DYNC1H1: variants seen among roughly 807,000 people sequenced by gnomAD.
The protein encoded by DYNC1H1 is dynein cytoplasmic 1 heavy chain 1, also known as cytoplasmic dynein 1 heavy chain 1.
A neutral mutation model predicts 527.1 loss-of-function variants in DYNC1H1; 51 were observed. The ratio of observed to expected loss-of-function variants is 0.10; its 90% confidence interval spans 0.08 to 0.12. The LOEUF (loss-of-function observed/expected upper bound fraction) is 0.12. Among genes scored for constraint, DYNC1H1 ranks in the 10% least tolerant of loss-of-function variants. The pLI is 1.00. For missense variants in DYNC1H1, 2,771 were observed against 5,971.8 expected, an observed-to-expected ratio of 0.46 and a Z score of 17.66; for synonymous variants, 2,189 against 2,278.8, an observed-to-expected ratio of 0.96 and a Z score of 1.12.
At chr14:101,996,948 A>G (rs2048069565) in intron 15 of DYNC1H1, 87 bp from the exon 16 acceptor site, 1 of 1,531,466 alleles carries the variant, frequency 6.5e-7, no homozygotes, top group African/African-American at 1.4e-5. Flanking sequence ...ATAACTATAA[A>G]GTGCCTTCTC....
chr14:102,026,862 C>A, intron 44 of DYNC1H1, 155 bp downstream of exon 44: 1 of 1,132,696 alleles, frequency 8.8e-7, no homozygotes, highest in Non-Finnish European at 1.3e-6. Context: ...CTAAGTCCAG[C>A]TTAACCATCC....
chr14:102,000,880 AT>A (rs2048123372), intron 18 of DYNC1H1, 73 bp from the exon 19 acceptor site: 2 of 1,458,786 alleles, frequency 1.4e-6, no homozygotes, highest in Non-Finnish European at 9.6e-7. Flanking sequence ...GCCTGAAACC[AT>A]TTTTTAAAGA....
intron 7 of DYNC1H1, among the ~76,000 whole-genome samples, chr14:101,984,450 A>ATTTTTTTTTTTTTTT (rs34383305): frequency 1.4e-5 from 1 of 69,968 alleles, no homozygotes; most frequent in Non-Finnish European, 2.6e-5. Flanking sequence ...TATATATTAT[A>ATTTTTTTTTTTTTTT]TTTTTTTTTT....
intron 18 of DYNC1H1, 40 bp downstream of exon 18, chr14:102,000,439 C>T (rs1329363208): frequency 1.9e-6 from 3 of 1,589,612 alleles, no homozygotes. Context: ...TCTATTTTAA[C>T]AGTTACAGAC....
chr14:101,979,227 A>C lies in DYNC1H1; in HGVS notation c.345-92A>C, dbSNP rs1194196417. ...CAGTGCATTTCACTATTAGAAAAGC[A>C]ACACTTCAGTATATTCTTGTATGAT... On this transcript the variant is annotated intron_variant, in intron 2 of 77. Coordinates refer to ENST00000360184, the MANE Select transcript of DYNC1H1 (RefSeq NM_001376.5). The surrounding 1 kb of genome is among the most constrained non-coding windows in gnomAD (Gnocchi z 4.6). 4 of 1,291,886 alleles carry C rather than the reference A, an allele frequency of 3.1e-6. No homozygotes were observed. The Admixed American group carries it at 7.7e-5, about 25-fold the overall frequency. The allele number at this position is 1,291,886 out of a possible 1,614,324, so 80.0% of individuals were successfully genotyped here.
At chr14:102,040,522 A>G in intron 63 of DYNC1H1, 76 bp from the exon 64 acceptor site, 1 of 1,612,334 alleles carries the variant, frequency 6.2e-7, no homozygotes, top group East Asian at 2.2e-5. Context: ...CTCTCGCGTC[A>G]GACTCTCGCT....
intron 16 of DYNC1H1, among the ~76,000 whole-genome samples, chr14:101,999,529 G>GTA (rs1319782790): frequency 1.3e-5 from 2 of 152,236 alleles, no homozygotes; most frequent in East Asian, 3.8e-4. Flanking sequence ...TGAAAAGGAA[G>GTA]TATGCAAATG....
At position 102,022,669 on chromosome 14, in the gene DYNC1H1, C is replaced by A. The variant is rs138237231; in HGVS notation, c.8508-82C>A. 47 of 1,598,772 alleles carry A rather than the reference C, an allele frequency of 2.9e-5. No homozygotes were observed. The East Asian group carries it at 9.8e-4, about 33-fold the overall frequency. ...TGACTGCATCCTTTGGAAGAGCCCA[C>A]AGCACCCACAAACATGGTGAACATG... On this transcript the variant is annotated intron_variant, in intron 42 of 77. Transcript: ENST00000360184.
chr14:101,995,162 C>T lies in DYNC1H1; in HGVS notation c.3445-19C>T, dbSNP rs891643540. The T allele has an allele frequency of 1.9e-6, 3 of 1,614,144 alleles. No homozygotes were observed. Among genetic ancestry groups the T allele is most frequent in the African/African-American group, 1.3e-5 (1 of 74,948 alleles). On this transcript the variant is annotated intron_variant, in intron 14 of 77. Coordinates refer to ENST00000360184, the MANE Select transcript of DYNC1H1 (RefSeq NM_001376.5). ...TGAACCCCAGCTCTGTGATGAAATA[C>T]TCCCCTCTCTCTGAACAGTCCCGCC... is the stretch of plus-strand genomic sequence containing the variant.
chr14:101,993,979 T>C (rs1210663835), intron 11 of DYNC1H1, among the ~76,000 whole-genome samples: 1 of 152,244 alleles, frequency 6.6e-6, no homozygotes, highest in Non-Finnish European at 1.5e-5. Flanking sequence ...TTCTCTGTTG[T>C]CATTAATGTT....
Position 102,049,676 on chromosome 14 carries a change from C to T in DYNC1H1, c.13516-38C>T. ...GGAAAAACACAGGGCCCAGGTCTGA[C>T]CTGAGCTCCTTCCCCTGGGGGCTGC... On this transcript the variant is annotated intron_variant, in intron 75 of 77. Coordinates refer to ENST00000360184, the MANE Select transcript of DYNC1H1 (RefSeq NM_001376.5). This position sits in a 1 kb window ranked among gnomAD's most constrained non-coding sequence, Gnocchi z 5.5. 7 of 1,613,788 alleles carry T rather than the reference C, an allele frequency of 4.3e-6. No homozygotes were observed. Among genetic ancestry groups the T allele is most frequent in the East Asian group, 2.2e-5 (1 of 44,890 alleles).
In DYNC1H1 at chr14:102,036,921, A is replaced by G. The variant is rs2048582460; in HGVS notation, c.10908+279A>G. 1 of 375,238 alleles carries G rather than the reference A, an allele frequency of 2.7e-6. No individual in the cohort carries two copies. The highest frequency in any genetic ancestry group is 5.1e-6 in the Non-Finnish European group (1 of 195,184). The allele number at this position is 375,238 out of a possible 1,614,324, so 23.2% of individuals were successfully genotyped here. Reference sequence around the variant, plus strand: ...AGGAATTCAAGAAAAGCCTGGCTAAACCCCATCTCTACAAAAAATACAAAA... The same window carrying G: ...AGGAATTCAAGAAAAGCCTGGCTAAGCCCCATCTCTACAAAAAATACAAAA... On this transcript the variant is annotated intron_variant, in intron 57 of 77. Coordinates refer to ENST00000360184, the MANE Select transcript of DYNC1H1 (RefSeq NM_001376.5). The surrounding 1 kb of genome is among the most constrained non-coding windows in gnomAD (Gnocchi z 5.6).
Position 102,038,639 on chromosome 14 carries a change from G to A in DYNC1H1, c.11055+33G>A. On this transcript the variant is annotated intron_variant, in intron 58 of 77. Transcript: ENST00000360184. The surrounding 1 kb of genome is among the most constrained non-coding windows in gnomAD (Gnocchi z 7.2). ...ATGGGACCCTTCCCCAGGGAAATCT[G>A]GCAGGATGTGGTTTTGAAACTGGAT... The A allele has an allele frequency of 6.2e-7, 1 of 1,614,196 alleles. No individual in the cohort carries two copies. The highest frequency in any genetic ancestry group is 1.3e-5 in the African/African-American group (1 of 75,038).
Position 102,039,871 on chromosome 14 carries a change from TTTG to T in DYNC1H1, c.11690+143_11690+145del. ...TTTATTTTTTGAGACGGAGTCTCCC[TTTG>T]TTGCCTAGGCTGGAGTGCCGTGGTG... On this transcript the variant is annotated intron_variant, in intron 62 of 77. Transcript: ENST00000360184. This position sits in a 1 kb window ranked among gnomAD's most constrained non-coding sequence, Gnocchi z 7.0. The T allele has an allele frequency of 8.7e-7, 1 of 1,153,516 alleles. No individual in the cohort carries two copies. Among genetic ancestry groups the T allele is most frequent in the Non-Finnish European group, 1.2e-6 (1 of 809,334 alleles). The allele number at this position is 1,153,516 out of a possible 1,614,324, so 71.5% of individuals were successfully genotyped here. A position where few individuals can be genotyped will look rare whatever the true frequency, so the allele number is the denominator to read the frequency against.
rs753496239 is a variant in DYNC1H1 at position 102,039,493 on chromosome 14, G to A, written c.11542G>A (p.Gly3848Ser). The A allele has an allele frequency of 6.2e-7, 1 of 1,614,236 alleles. No homozygotes were observed. Among genetic ancestry groups the A allele is most frequent in the South Asian group, 1.1e-5 (1 of 91,086 alleles). The change falls in exon 61 of 78, where the codon GGT (glycine) becomes AGT (serine). Residue 3848 changes from glycine to serine, a missense_variant. Physicochemically the swap from Gly to Ser is moderately conservative, Grantham distance 56. This residue lies in a region of DYNC1H1 where 283 missense variants were observed against 737.6 expected (regional missense o/e 0.38). Coordinates refer to ENST00000360184, the MANE Select transcript of DYNC1H1 (RefSeq NM_001376.5). The surrounding 1 kb of genome is among the most constrained non-coding windows in gnomAD (Gnocchi z 7.0). ...CCTATACGAGAACCCGAACCTGAAGGGTGTCACCGACCACACACAGCGCCT... is the reference window on the plus strand; with the variant it reads ...CCTATACGAGAACCCGAACCTGAAGAGTGTCACCGACCACACACAGCGCCT... ...NVLYENPNLKGVTDHTQRLSI... is the reference protein window; with the variant it reads ...NVLYENPNLKSVTDHTQRLSI...
rs775528166 is a variant in DYNC1H1, at chr14:101,986,007, G to A, written c.1782G>A (p.Arg594=). 1.2e-6 allele frequency: 2 copies of A among 1,614,230 alleles called. No homozygotes were observed. Among genetic ancestry groups the A allele is most frequent in the East Asian group, 2.2e-5 (1 of 44,886 alleles). ...IFSRFNALFV[R]PHIRGAIREY... is the part of the protein sequence containing the mutation. ...CCAGGTTTAATGCACTGTTTGTCAG[G>A]CCTCACATCCGTGGGGCCATTCGCG... Residue 594 remains arginine (R), a synonymous_variant, in exon 8 of 78, where the codon AGG becomes AGA. Coordinates refer to ENST00000360184, the MANE Select transcript of DYNC1H1 (RefSeq NM_001376.5). This position sits in a 1 kb window ranked among gnomAD's most constrained non-coding sequence, Gnocchi z 8.7.
intron 42 of DYNC1H1, 131 bp from the exon 43 acceptor site, chr14:102,022,611 CATGCATAGT>C: frequency 8.6e-7 from 1 of 1,158,718 alleles, no homozygotes. Flanking sequence ...TAGGTTCATC[CATGCATAGT>C]AAAGGAAGAT....
At chr14:101,975,890 C>T (rs145584709) in intron 2 of DYNC1H1, 91 bp downstream of exon 2, 7 of 1,009,126 alleles carry the variant, frequency 6.9e-6, no homozygotes, top group African/African-American at 1.7e-5. Flanking sequence ...GAAATTCTTA[C>T]TAAGAGAATT....
chr14:102,036,601 T>C lies in DYNC1H1; in HGVS notation c.10867T>C (p.Leu3623=). ...SFLDDAFRKN[L]ESALRFGNPL... ...CCTGGATGACGCCTTCAGAAAGAAC[T>C]TAGAGAGTGCACTGAGATTCGGTAA... is the stretch of plus-strand genomic sequence containing the variant. The change falls in exon 57 of 78, where the codon TTA becomes CTA. Residue 3623 remains leucine, a synonymous_variant. Coordinates refer to ENST00000360184, the MANE Select transcript of DYNC1H1 (RefSeq NM_001376.5). The surrounding 1 kb of genome is among the most constrained non-coding windows in gnomAD (Gnocchi z 5.6). 6.2e-7 allele frequency: 1 copy of C among 1,614,158 alleles called. No individual in the cohort carries two copies. Among genetic ancestry groups the C allele is most frequent in the African/African-American group, 1.3e-5 (1 of 75,044 alleles).
Sources: allele counts gnomAD v4.1 joint callset (sites outside exome capture counted in the v4.1 genomes callset), GRCh38; gene constraint gnomAD v4.1.1; regional missense constraint gnomAD v4.1.1; non-coding constraint Gnocchi (gnomAD v3.1); transcripts MANE v1.5; gene names NCBI Gene and HGNC (gene_info 2026-07-23, HGNC 2026-07-21).